ENG: variants seen among roughly 807,000 people sequenced by gnomAD.
ENG encodes the protein endoglin, also known as CD105 antigen.
In ENG, 17 loss-of-function variants were observed where a neutral mutation model predicts 71.0. That is an observed-to-expected ratio of 0.24 (90% CI 0.16 to 0.36). ENG has a LOEUF of 0.36. Ranked by LOEUF, ENG falls within the 10% of genes least tolerant of loss-of-function variation. The pLI is 1.00. For synonymous variants in ENG, 360 were observed against 366.9 expected, an observed-to-expected ratio of 0.98 and a Z score of 0.21; for missense variants, 749 against 868.3, an observed-to-expected ratio of 0.86 and a Z score of 1.73.
intron 3 of ENG, among the ~76,000 whole-genome samples, chr9:127,828,560 C>G (rs1051994151): frequency 6.6e-6 from 1 of 152,150 alleles, no homozygotes; most frequent in Non-Finnish European, 1.5e-5. Context: ...CTGGGCTGCA[C>G]GGACTCAGAT....
chr9:127,819,865 G>A, intron 9 of ENG, 35 bp downstream of exon 9: 1 of 1,614,150 alleles, frequency 6.2e-7, no homozygotes, highest in Non-Finnish European at 8.5e-7. Context: ...CACCAACCAG[G>A]CTGGTCCTGA....
Position 127,854,405 on chromosome 9 carries a change from C to T in ENG, c.-50G>A. ...CTGGGCCTTATCCTGTGTCCAGTGG[C>T]AGGGCTGCGGGCGGGCACCGGGGCC... On this transcript the variant is annotated 5_prime_UTR_variant, in exon 1 of 15. Transcript: ENST00000373203. 2.0e-6 allele frequency: 3 copies of T among 1,535,706 alleles called. No homozygotes were observed. The highest frequency in any genetic ancestry group is 2.8e-5 in the African/African-American group (2 of 72,318).
At chr9:127,832,094 G>C (rs1240195946) in intron 2 of ENG, among the ~76,000 whole-genome samples, 4 of 23,230 alleles carry the variant, frequency 1.7e-4, no homozygotes, top group African/African-American at 9.4e-4. Flanking sequence ...TTTTTTTTTT[G>C]AGACAGAGTC....
chr9:127,845,840 G>A (rs941822168), intron 1 of ENG, among the ~76,000 whole-genome samples: 28 of 152,154 alleles, frequency 1.8e-4, no homozygotes, highest in African/African-American at 6.3e-4. Flanking sequence ...CCAAGTAGTT[G>A]GGACTACAGT....
chr9:127,817,037 G>A (rs2131873568), intron 13 of ENG, 112 bp downstream of exon 13: 2 of 1,273,960 alleles, frequency 1.6e-6, no homozygotes, highest in East Asian at 2.4e-5. Flanking sequence ...GCTTTCTCTG[G>A]GGTCCCCCTT....
At chr9:127,818,423 C>A in intron 11 of ENG, 46 bp from the exon 12 acceptor site, 1 of 1,607,040 alleles carries the variant, frequency 6.2e-7, no homozygotes, top group Non-Finnish European at 8.5e-7. Flanking sequence ...CTGCTCTTCA[C>A]CCCACCCCAC....
At position 127,816,003 on chromosome 9, in the gene ENG, C is replaced by A; in HGVS notation, c.1792G>T (p.Gly598Cys). Residue 598 changes from glycine (G) to cysteine (C), a missense_variant, in exon 14 of 15, where the codon GGT becomes TGT. Coordinates refer to ENST00000373203, the MANE Select transcript of ENG (RefSeq NM_001114753.3). ...AGCAGGGCCCCGATGAGGAAGGCAC[C>A]AAAGGTGATGCCCAGCACGGCGGGC... Reference protein sequence around the residue: ...VLPAVLGITFGAFLIGALLTA... With the variant: ...VLPAVLGITFCAFLIGALLTA... 1 of 1,610,606 alleles carries A rather than the reference C, an allele frequency of 6.2e-7. No homozygotes were observed. Among genetic ancestry groups the A allele is most frequent in the African/African-American group, 1.3e-5 (1 of 75,020 alleles).
At chr9:127,820,066 G>T in intron 8 of ENG, 29 bp from the exon 9 acceptor site, 1 of 1,610,364 alleles carries the variant, frequency 6.2e-7, no homozygotes, top group Non-Finnish European at 8.5e-7. Context: ...GCACCATCAG[G>T]AGGCACTGGG....
rs1830949841 is a variant in ENG, at chr9:127,838,236, G to C, written c.219+4858C>G. 6.6e-6 allele frequency among the ~76,000 whole-genome samples: 1 copy of C among 152,174 alleles called. No individual in the cohort carries two copies. On this transcript the variant is annotated intron_variant, in intron 2 of 14. Coordinates refer to ENST00000373203, the MANE Select transcript of ENG (RefSeq NM_001114753.3). This position sits in a 1 kb window ranked among gnomAD's most constrained non-coding sequence, Gnocchi z 4.3. ...GAGGCTCAGAGCCATTTGGGATTTT[G>C]GGGTCCTGGGTACCCAGAGCATCAT... is the stretch of plus-strand genomic sequence containing the variant.
intron 2 of ENG, among the ~76,000 whole-genome samples, chr9:127,837,110 G>T (rs1045874155): frequency 1.3e-5 from 2 of 152,116 alleles, no homozygotes; most frequent in African/African-American, 4.8e-5. Context: ...TAATCCCTCT[G>T]ATTCTCCCCT....
At chr9:127,849,125 G>A (rs181555320) in intron 1 of ENG, among the ~76,000 whole-genome samples, 250 of 152,192 alleles carry the variant, frequency 1.6e-3, no homozygotes, top group African/African-American at 5.7e-3. Context: ...CCGCCACTCT[G>A]GCTCATACCC....
At chr9:127,847,712 G>A (rs545120249) in intron 1 of ENG, among the ~76,000 whole-genome samples, 4 of 152,100 alleles carry the variant, frequency 2.6e-5, no homozygotes, top group African/African-American at 9.6e-5. Context: ...AGCCTCCCAA[G>A]GAAGATACGT....
At chr9:127,819,789 GC>G (rs1830428871) in intron 9 of ENG, 110 bp downstream of exon 9, 1 of 1,606,096 alleles carries the variant, frequency 6.2e-7, no homozygotes, top group African/African-American at 1.3e-5. Context: ...TGTGTTCTGA[GC>G]CCCTGCAGCC....
At chr9:127,852,804 G>T (rs1025568974) in intron 1 of ENG, among the ~76,000 whole-genome samples, 1 of 151,924 alleles carries the variant, frequency 6.6e-6, no homozygotes, top group African/African-American at 2.4e-5. Flanking sequence ...ATCCACAAAC[G>T]CTACAAATTG....
In ENG at chr9:127,836,283, C is replaced by T. The variant is rs760704072; in HGVS notation, c.220-6456G>A. Among the ~76,000 whole-genome samples, 8 of 152,344 alleles carry T rather than the reference C, an allele frequency of 5.3e-5. No individual in the cohort carries two copies. Among genetic ancestry groups the T allele is most frequent in the Non-Finnish European group, 8.8e-5 (6 of 68,028 alleles). ...CCTCACCCCCAGCCCGGCCAGCCTGCGCCTACCCAGCCCCCTCCCTGAGTG... is the reference window on the plus strand; with the variant it reads ...CCTCACCCCCAGCCCGGCCAGCCTGTGCCTACCCAGCCCCCTCCCTGAGTG... On this transcript the variant is annotated intron_variant, in intron 2 of 14. Transcript: ENST00000373203. This position sits in a 1 kb window ranked among gnomAD's most constrained non-coding sequence, Gnocchi z 4.0.
chr9:127,846,908 C>T lies in ENG; in HGVS notation c.68-3663G>A, dbSNP rs1831180391. 7.1e-6 allele frequency: 7 copies of T among 985,492 alleles called. No individual in the cohort carries two copies. The South Asian group carries it at 2.8e-4, about 40-fold the overall frequency. The allele number at this position is 985,492 out of a possible 1,614,324, so 61.0% of individuals were successfully genotyped here. A position where few individuals can be genotyped will look rare whatever the true frequency, so the allele number is the denominator to read the frequency against. On this transcript the variant is annotated intron_variant, in intron 1 of 14. Transcript: ENST00000373203. This position sits in a 1 kb window ranked among gnomAD's most constrained non-coding sequence, Gnocchi z 5.5. Reference sequence around the variant, plus strand: ...ACCCTCGCCACCCATGTGCACACAGCACCTCCCAGATTTCCAGAGGGCTAC... The same window carrying T: ...ACCCTCGCCACCCATGTGCACACAGTACCTCCCAGATTTCCAGAGGGCTAC...
chr9:127,849,368 C>T (rs561401803), intron 1 of ENG, among the ~76,000 whole-genome samples: 20 of 152,280 alleles, frequency 1.3e-4, no homozygotes, highest in African/African-American at 3.1e-4. Context: ...TATTTCTTTG[C>T]GGCACTGAGG....
intron 3 of ENG, among the ~76,000 whole-genome samples, chr9:127,828,719 G>A (rs1397131185): frequency 6.6e-6 from 1 of 152,146 alleles, no homozygotes. Context: ...ACTTTGGCAT[G>A]CTGGCTTGGT....
chr9:127,833,336 A>C (rs368526952), intron 2 of ENG, among the ~76,000 whole-genome samples: 29 of 151,766 alleles, frequency 1.9e-4, no homozygotes, highest in African/African-American at 6.5e-4. Flanking sequence ...AACCTGACCA[A>C]CGTGGAGAAA....
Sources: gnomAD v4.1 joint callset for allele counts (sites outside exome capture counted in the v4.1 genomes callset) on GRCh38, gnomAD v4.1.1 for gene constraint, Gnocchi (gnomAD v3.1) non-coding constraint, MANE v1.5 for transcripts, NCBI Gene and HGNC (gene_info 2026-07-23, HGNC 2026-07-21) for gene names.